The following IFT140 variants were observed in gnomAD, a reference collection of about 807,000 sequenced individuals.
IFT140 encodes intraflagellar transport protein 140 homolog.
IFT140 carries 133 observed loss-of-function variants against 164.6 expected under a neutral mutation model. That is an observed-to-expected ratio of 0.81 (90% CI 0.70 to 0.93). IFT140 has a LOEUF of 0.93. IFT140 is among the 40% of genes least tolerant of loss of function. IFT140 has a pLI of 0.00. For synonymous variants in IFT140, 860 were observed against 817.3 expected, an observed-to-expected ratio of 1.05 and a Z score of -0.89; for missense variants, 2,045 against 1,972.3, an observed-to-expected ratio of 1.04 and a Z score of -0.70.
intron 7 of IFT140, among the ~76,000 whole-genome samples, chr16:1,588,987 C>G (rs1189999544): frequency 6.6e-6 from 1 of 152,202 alleles, no homozygotes; most frequent in Non-Finnish European, 1.5e-5. Flanking sequence ...ATATCAGCCT[C>G]TAGAACTGTG....
At chr16:1,586,625 A>G (rs1042507919) in intron 9 of IFT140, among the ~76,000 whole-genome samples, 20 of 134,114 alleles carry the variant, frequency 1.5e-4, no homozygotes, top group East Asian at 2.6e-4. Context: ...ACACACATGC[A>G]TGCACACACA....
chr16:1,513,726 T>C (rs949208123), intron 30 of IFT140, among the ~76,000 whole-genome samples: 1 of 150,018 alleles, frequency 6.7e-6, no homozygotes, highest in Admixed American at 6.7e-5. Context: ...CAGGCTGGAG[T>C]GCAGTGGTGC....
chr16:1,561,872 C>T (rs1292852016), intron 18 of IFT140, 113 bp downstream of exon 18: 6 of 1,130,510 alleles, frequency 5.3e-6, no homozygotes, highest in Admixed American at 5.4e-5. Context: ...GAGGGAAGCC[C>T]GGCAGAGCCA....
chr16:1,526,915 G>A, intron 19 of IFT140, 119 bp from the exon 20 acceptor site: 1 of 1,172,458 alleles, frequency 8.5e-7, no homozygotes, highest in South Asian at 1.5e-5. Context: ...GGCATGAGGA[G>A]GGGCCTTCAC....
At chr16:1,526,247 TCCCAC>T in intron 20 of IFT140, 170 bp from the exon 21 acceptor site, 1 of 663,086 alleles carries the variant, frequency 1.5e-6, no homozygotes, top group Non-Finnish European at 2.5e-6. Flanking sequence ...GGCATCCCCG[TCCCAC>T]GGCTGGAGAG....
At chr16:1,516,670 T>C (rs1247412824) in intron 30 of IFT140, among the ~76,000 whole-genome samples, 5 of 148,150 alleles carry the variant, frequency 3.4e-5, no homozygotes, top group Admixed American at 6.9e-5. Flanking sequence ...CTCGGGAGGC[T>C]GAGGTAGGAG....
rs374874160 is a variant in IFT140, at chr16:1,518,201, G to A, written c.4182+15C>T. On this transcript the variant is annotated intron_variant, in intron 30 of 30. Coordinates refer to ENST00000426508, the MANE Select transcript of IFT140 (RefSeq NM_014714.4). ...TGTGGCGGGATGCTGCTAGTGAGCA[G>A]CACTCAGGCCTCACCGTCTGGTATT... is the stretch of plus-strand genomic sequence containing the variant. The A allele has an allele frequency of 6.0e-5, 96 of 1,600,074 alleles. No homozygotes were observed. Among genetic ancestry groups the A allele is most frequent in the Non-Finnish European group, 7.8e-5 (92 of 1,175,034 alleles).
At chr16:1,571,626 T>C in intron 13 of IFT140, 92 bp from the exon 14 acceptor site, 2 of 1,301,268 alleles carry the variant, frequency 1.5e-6, no homozygotes, top group Non-Finnish European at 2.1e-6. Flanking sequence ...ATGGATATAT[T>C]TCATGTGAGT....
intron 19 of IFT140, among the ~76,000 whole-genome samples, chr16:1,557,341 C>T (rs531043885): frequency 6.6e-6 from 1 of 152,344 alleles, no homozygotes; most frequent in East Asian, 1.9e-4. Flanking sequence ...CGGGGTCCTG[C>T]ACCCTCTCGG....
At chr16:1,600,602 A>G (rs1250267525) in intron 4 of IFT140, among the ~76,000 whole-genome samples, 1 of 152,222 alleles carries the variant, frequency 6.6e-6, no homozygotes, top group Non-Finnish European at 1.5e-5. Flanking sequence ...TACAACATTC[A>G]TATAAAGAAG....
Position 1,534,275 on chromosome 16 carries a change from G to T in IFT140, c.2400-7479C>A, listed in dbSNP as rs79799097. 1.5e-3 allele frequency: 2,363 copies of T among 1,611,014 alleles called. 21 individuals are homozygous for T. In the East Asian group the frequency reaches 0.024, roughly 16 times the overall value. On this transcript the variant is annotated intron_variant, in intron 19 of 30. Coordinates refer to ENST00000426508, the MANE Select transcript of IFT140 (RefSeq NM_014714.4). ...GATAAGCGGCGGCACCGGCGTCAGC[G>T]ATGACCGTGCAGAGACTCGTGGCCG...
chr16:1,569,939 C>T (rs1212267896), intron 14 of IFT140, among the ~76,000 whole-genome samples: 2 of 151,992 alleles, frequency 1.3e-5, no homozygotes, highest in African/African-American at 2.4e-5. Context: ...CATGAGCCAC[C>T]GCATCTGGCC....
chr16:1,605,748 G>A (rs542233753), intron 3 of IFT140, among the ~76,000 whole-genome samples: 16 of 152,230 alleles, frequency 1.1e-4, no homozygotes, highest in African/African-American at 3.6e-4. Context: ...GCACCGAGAG[G>A]GTGATTATCG....
intron 19 of IFT140, among the ~76,000 whole-genome samples, chr16:1,546,569 G>C (rs1332896411): frequency 6.6e-6 from 1 of 152,234 alleles, no homozygotes; most frequent in East Asian, 1.9e-4. Context: ...TGCATGCTGA[G>C]AAGCTTCAGG....
chr16:1,587,333 A>G (rs763001350), intron 8 of IFT140, 29 bp from the exon 9 acceptor site: 1 of 1,450,344 alleles, frequency 6.9e-7, no homozygotes, highest in Non-Finnish European at 9.7e-7. Flanking sequence ...AGCCCCATGG[A>G]GGGCCTGTGT....
chr16:1,547,296 A>G (rs1293213197), intron 19 of IFT140, among the ~76,000 whole-genome samples: 1 of 152,180 alleles, frequency 6.6e-6, no homozygotes, highest in East Asian at 1.9e-4. Context: ...TGACACACTG[A>G]GAAGCTGACT....
intron 19 of IFT140, among the ~76,000 whole-genome samples, chr16:1,548,788 G>A (rs1225919994): frequency 6.6e-6 from 1 of 152,240 alleles, no homozygotes; most frequent in Non-Finnish European, 1.5e-5. Flanking sequence ...GTGCGATCAT[G>A]CAGCTGACTC....
intron 19 of IFT140, among the ~76,000 whole-genome samples, chr16:1,527,655 TC>T (rs375632936): frequency 7.2e-5 from 11 of 152,190 alleles, no homozygotes; most frequent in African/African-American, 2.2e-4. Context: ...CATTCCAGCC[TC>T]GACCTCCTGA....
rs112572080 is a variant in IFT140 at position 1,600,893 on chromosome 16, C to CA, written c.369+1476dup. Among the ~76,000 whole-genome samples the CA allele has an allele frequency of 3.5e-3, 457 of 130,498 alleles. 3 individuals carry two copies. Among genetic ancestry groups the CA allele is most frequent in the Middle Eastern group, 0.011 (3 of 262 alleles). The allele number at this position is 130,498 out of a possible 152,430, so 85.6% of individuals were successfully genotyped here. On this transcript the variant is annotated intron_variant, in intron 4 of 30. Transcript: ENST00000426508. ...TCAAAATGTAAATTTCATGAAAGAC[C>CA]AAAAAAAAAAAAGGGAGGAAAAAAG...
Sources: gnomAD v4.1 joint callset for allele counts (sites outside exome capture counted in the v4.1 genomes callset) on GRCh38, gnomAD v4.1.1 for gene constraint, MANE v1.5 for transcripts, NCBI Gene and HGNC (gene_info 2026-07-23, HGNC 2026-07-21) for gene names.